The following ACBD6 variants were observed in gnomAD, a reference collection of about 807,000 sequenced individuals.
ACBD6 encodes acyl-CoA binding domain containing 6.
Under a neutral mutation model 37.2 loss-of-function variants are expected in ACBD6, and 28 were observed. The ratio of observed to expected loss-of-function variants is 0.75; its 90% CI spans 0.56 to 1.03. The LOEUF (loss-of-function observed/expected upper bound fraction) is 1.03. Ranked by LOEUF, ACBD6 falls within the 50% of genes least tolerant of loss-of-function variation. The probability of loss-of-function intolerance (pLI) is 0.00; values close to 1 mark genes in which losing one functional copy is unlikely to be tolerated. For missense variants in ACBD6, 340 were observed against 337.4 expected (o/e 1.01, Z -0.06); for synonymous variants, 113 against 126.8 (o/e 0.89, Z 0.73).
At chr1:180,465,090 C>T (rs1650296627) in intron 3 of ACBD6, among the ~76,000 whole-genome samples, 1 of 152,150 alleles carries the variant, frequency 6.6e-6, no homozygotes, top group South Asian at 2.1e-4. Context: ...TGGAAGACAA[C>T]CTCGGCAATG....
At chr1:180,348,451 G>C (rs1169768948) in intron 6 of ACBD6, among the ~76,000 whole-genome samples, 1 of 152,212 alleles carries the variant, frequency 6.6e-6, no homozygotes, top group Non-Finnish European at 1.5e-5. Flanking sequence ...GTAGGATCAG[G>C]AGAACTGAGG....
At chr1:180,410,864 A>G (rs1367190280) in intron 5 of ACBD6, among the ~76,000 whole-genome samples, 1 of 152,236 alleles carries the variant, frequency 6.6e-6, no homozygotes, top group Non-Finnish European at 1.5e-5. Context: ...ATAAGGCTAT[A>G]GCTGCCATAG....
At chr1:180,331,018 C>T (rs566808173) in intron 6 of ACBD6, among the ~76,000 whole-genome samples, 1 of 152,294 alleles carries the variant, frequency 6.6e-6, no homozygotes, top group South Asian at 2.1e-4. Flanking sequence ...GACAGCTTAT[C>T]CAGCCACCCA....
chr1:180,403,795 G>A (rs527749261), intron 5 of ACBD6, among the ~76,000 whole-genome samples: 7 of 152,244 alleles, frequency 4.6e-5, no homozygotes, highest in South Asian at 2.1e-4. Context: ...CCTTGAAGAC[G>A]TTACACTGAG....
At chr1:180,303,018 C>T (rs1376341249) in intron 7 of ACBD6, among the ~76,000 whole-genome samples, 5 of 152,060 alleles carry the variant, frequency 3.3e-5, no homozygotes, top group Non-Finnish European at 5.9e-5. Context: ...GGGTACAAAA[C>T]GAAATGAAGG....
At chr1:180,308,366 T>C (rs1650467499) in intron 7 of ACBD6, among the ~76,000 whole-genome samples, 1 of 152,238 alleles carries the variant, frequency 6.6e-6, no homozygotes, top group African/African-American at 2.4e-5. Flanking sequence ...AACAATATTA[T>C]TCTCAGTGGG....
rs1353311926 is a variant in ACBD6, at chr1:180,492,384, A to G, written c.288-19T>C. On this transcript the variant is annotated intron_variant, in intron 2 of 7. Transcript: ENST00000367595. ...AGCTTCCCTACAATATGGAATATCC[A>G]AAATGGCCTGTCATTATGCAAATAA... 1 of 1,593,748 alleles carries G rather than the reference A, an allele frequency of 6.3e-7. No individual in the cohort carries two copies. Among genetic ancestry groups the G allele is most frequent in the African/African-American group, 1.3e-5 (1 of 74,504 alleles).
chr1:180,396,402 A>G (rs537527400), intron 6 of ACBD6, among the ~76,000 whole-genome samples: 1 of 152,336 alleles, frequency 6.6e-6, no homozygotes, highest in South Asian at 2.1e-4. Context: ...AATGGTTTCT[A>G]AAGTATGACA....
At chr1:180,474,840 G>C (rs1160975041) in intron 3 of ACBD6, among the ~76,000 whole-genome samples, 1 of 152,142 alleles carries the variant, frequency 6.6e-6, no homozygotes, top group Non-Finnish European at 1.5e-5. Context: ...CAAATCAACA[G>C]ACTTTCAGGA....
chr1:180,285,483 T>C (rs963460260), downstream of ACBD6, among the ~76,000 whole-genome samples: 6 of 152,242 alleles, frequency 3.9e-5, no homozygotes, highest in African/African-American at 1.4e-4. Context: ...AACTCAATAT[T>C]TTCATTACTA....
chr1:180,347,831 C>T (rs558738918), intron 6 of ACBD6, among the ~76,000 whole-genome samples: 87 of 151,842 alleles, frequency 5.7e-4, no homozygotes, highest in Admixed American at 2.7e-3. Context: ...ATTAGCCGGG[C>T]GTGGTGGCGG....
intron 1 of ACBD6, among the ~76,000 whole-genome samples, chr1:180,500,539 A>G (rs1430860506): frequency 6.6e-6 from 1 of 151,836 alleles, no homozygotes; most frequent in African/African-American, 2.4e-5. Context: ...CTAAAAATAC[A>G]AGAAATTAGT....
downstream of ACBD6, among the ~76,000 whole-genome samples, chr1:180,286,634 AACAG>A (rs1282301709): frequency 2.0e-5 from 3 of 152,230 alleles, no homozygotes; most frequent in African/African-American, 4.8e-5. Flanking sequence ...ATTGTGAAAG[AACAG>A]ACAGTGAAGA....
At chr1:180,496,543 T>A (rs1033713852) in intron 1 of ACBD6, among the ~76,000 whole-genome samples, 1 of 152,198 alleles carries the variant, frequency 6.6e-6, no homozygotes, top group African/African-American at 2.4e-5. Context: ...TGCTTGTTAC[T>A]CCACTCACCT....
At chr1:180,470,857 C>A (rs896522455) in intron 3 of ACBD6, among the ~76,000 whole-genome samples, 3 of 152,020 alleles carry the variant, frequency 2.0e-5, no homozygotes, top group Admixed American at 2.0e-4. Context: ...TTTTTTAAAG[C>A]ACATAATTAA....
At chr1:180,283,470 T>C (rs1297606429), downstream of ACBD6, among the ~76,000 whole-genome samples, 1 of 152,174 alleles carries the variant, frequency 6.6e-6, no homozygotes, top group Non-Finnish European at 1.5e-5. Flanking sequence ...TTTTCTCACC[T>C]GGTTTTTAAC....
chr1:180,497,263 G>C (rs1422483553), intron 1 of ACBD6, among the ~76,000 whole-genome samples: 2 of 152,136 alleles, frequency 1.3e-5, no homozygotes, highest in African/African-American at 4.8e-5. Flanking sequence ...CTGGACACAT[G>C]ATCATCCGGC....
At position 180,467,364 on chromosome 1, in the gene ACBD6, G is replaced by T. The variant is rs190382973; in HGVS notation, c.384+24905C>A. On this transcript the variant is annotated intron_variant, in intron 3 of 7. Coordinates refer to ENST00000367595, the MANE Select transcript of ACBD6 (RefSeq NM_032360.4). ...TGGTAGCTCATGCCTGTAATCCCAG[G>T]ACTTTGGGAGGCTGAGGTGGGAGGA... Among the ~76,000 whole-genome samples, 1,001 of 141,106 alleles carry T rather than the reference G, an allele frequency of 7.1e-3. 3 individuals carry two copies. The highest frequency in any genetic ancestry group is 0.011 in the Non-Finnish European group (724 of 66,154). The allele number at this position is 141,106 out of a possible 152,430, so 92.6% of individuals were successfully genotyped here. A position where few individuals can be genotyped will look rare whatever the true frequency, so the allele number is the denominator to read the frequency against.
intron 6 of ACBD6, among the ~76,000 whole-genome samples, chr1:180,359,235 C>G (rs1465459675): frequency 6.6e-6 from 1 of 152,176 alleles, no homozygotes; most frequent in Admixed American, 6.5e-5. Flanking sequence ...ACTGATAACT[C>G]TTTTAAAATA....
Sources: allele counts gnomAD v4.1 joint callset (sites outside exome capture counted in the v4.1 genomes callset), GRCh38; gene constraint gnomAD v4.1.1; transcripts MANE v1.5; gene names NCBI Gene and HGNC (gene_info 2026-07-23, HGNC 2026-07-21).